FMN1: variants seen among roughly 807,000 people sequenced by gnomAD.
The protein encoded by FMN1 is formin 1.
Under a neutral mutation model 132.4 loss-of-function variants are expected in FMN1, and 110 were observed. The observed-to-expected ratio is 0.83, with a 90% CI of 0.71 to 0.97. The LOEUF (loss-of-function observed/expected upper bound fraction) is 0.97. Among genes scored for constraint, FMN1 ranks in the 50% least tolerant of loss-of-function variants. The pLI is 0.00. For synonymous variants in FMN1, 722 were observed against 651.7 expected (o/e 1.11, Z -1.64); for missense variants, 1,792 against 1,705.3 (o/e 1.05, Z -0.90).
intron 4 of FMN1, among the ~76,000 whole-genome samples, chr15:33,090,797 G>A (rs1171820983): frequency 1.3e-5 from 2 of 152,156 alleles, no homozygotes; most frequent in African/African-American, 2.4e-5. Flanking sequence ...AAGGCACTCT[G>A]CTTAGCACCT....
chr15:32,853,260 TG>T (rs1242087040), intron 17 of FMN1, among the ~76,000 whole-genome samples: 1 of 152,238 alleles, frequency 6.6e-6, no homozygotes, highest in East Asian at 1.9e-4. Context: ...CTAAAAGTGT[TG>T]GGCATTCTTC....
chr15:32,926,132 A>G lies in FMN1; in HGVS notation c.3226+42T>C, dbSNP rs76239949. On this transcript the variant is annotated intron_variant, in intron 10 of 20. Coordinates refer to ENST00000616417, the MANE Select transcript of FMN1 (RefSeq NM_001277313.2). ...ATTCTTCAGAATGAAATGTTTTTTA[A>G]AAAATGGAAAAAGTAAAACAAAAGT... is the stretch of plus-strand genomic sequence containing the variant. 3,233 of 1,105,468 alleles carry G rather than the reference A, an allele frequency of 2.9e-3. 57 individuals carry two copies. In the African/African-American group the frequency reaches 0.045, roughly 15 times the overall value. The allele number at this position is 1,105,468 out of a possible 1,614,324, so 68.5% of individuals were successfully genotyped here.
intron 6 of FMN1, among the ~76,000 whole-genome samples, chr15:33,013,863 T>G (rs79350624): frequency 0.012 from 1,871 of 152,356 alleles, 17 homozygotes; most frequent in Non-Finnish European, 0.019. Flanking sequence ...AGCATCTACA[T>G]TCTAAATAGA....
At chr15:32,818,549 C>T (rs1199700746) in intron 17 of FMN1, among the ~76,000 whole-genome samples, 1 of 152,024 alleles carries the variant, frequency 6.6e-6, no homozygotes, top group Non-Finnish European at 1.5e-5. Context: ...CCTATTTTTG[C>T]GCCTTAGAGA....
At chr15:32,891,148 T>C (rs960554803) in intron 15 of FMN1, among the ~76,000 whole-genome samples, 5 of 152,220 alleles carry the variant, frequency 3.3e-5, no homozygotes, top group Non-Finnish European at 7.3e-5. Flanking sequence ...ACTATGGCCT[T>C]ATAGTATAGT....
At chr15:32,929,785 A>C (rs1440453603) in intron 9 of FMN1, among the ~76,000 whole-genome samples, 1 of 149,714 alleles carries the variant, frequency 6.7e-6, no homozygotes, top group Non-Finnish European at 1.5e-5. Context: ...TTTTGTGGTC[A>C]AGTAATATTC....
intron 3 of FMN1, among the ~76,000 whole-genome samples, chr15:33,155,396 G>A (rs1346415041): frequency 8.5e-5 from 13 of 152,152 alleles, no homozygotes; most frequent in Admixed American, 8.5e-4. Flanking sequence ...ACTCCCAGAA[G>A]TCCTTATCTA....
chr15:32,920,860 A>G (rs572696485), intron 10 of FMN1, among the ~76,000 whole-genome samples: 11 of 152,206 alleles, frequency 7.2e-5, no homozygotes, highest in Non-Finnish European at 1.5e-4. Context: ...CTACATTTCT[A>G]TAGACATAGC....
intron 9 of FMN1, among the ~76,000 whole-genome samples, chr15:32,961,451 G>C (rs1414401590): frequency 1.3e-5 from 2 of 152,064 alleles, no homozygotes; most frequent in East Asian, 1.9e-4. Flanking sequence ...CTTTTTTATA[G>C]AGAAGGGAAA....
intron 4 of FMN1, among the ~76,000 whole-genome samples, chr15:33,120,237 C>T (rs1962422202): frequency 6.6e-6 from 1 of 152,158 alleles, no homozygotes; most frequent in African/African-American, 2.4e-5. Flanking sequence ...GAACATTAAA[C>T]ATAAGGCAAT....
intron 19 of FMN1, among the ~76,000 whole-genome samples, chr15:32,797,587 C>G (rs1273406530): frequency 6.6e-6 from 1 of 152,066 alleles, no homozygotes; most frequent in Non-Finnish European, 1.5e-5. Flanking sequence ...ATTTTCTCAA[C>G]AATGGTACTT....
intron 7 of FMN1, among the ~76,000 whole-genome samples, chr15:32,989,048 A>G (rs570922730): frequency 6.6e-6 from 1 of 152,326 alleles, no homozygotes; most frequent in East Asian, 1.9e-4. Context: ...ACCTTCTGGA[A>G]ACACAGTTTT....
At chr15:33,083,929 T>A (rs1039168979) in intron 5 of FMN1, among the ~76,000 whole-genome samples, 1 of 152,092 alleles carries the variant, frequency 6.6e-6, no homozygotes, top group Admixed American at 6.5e-5. Context: ...TTATAACGCA[T>A]CAGCATGCTA....
At chr15:32,985,582 G>A (rs950631370) in intron 7 of FMN1, among the ~76,000 whole-genome samples, 1 of 152,114 alleles carries the variant, frequency 6.6e-6, no homozygotes, top group African/African-American at 2.4e-5. Context: ...CCCATGAACA[G>A]CCTGTTACAT....
intron 3 of FMN1, 26 bp from the exon 4 acceptor site, chr15:33,155,071 C>T: frequency 4.9e-6 from 3 of 614,988 alleles, no homozygotes; most frequent in Admixed American, 5.9e-5. Context: ...GGGAAGAAAG[C>T]AGCTTGTCTA....
intron 17 of FMN1, among the ~76,000 whole-genome samples, chr15:32,846,710 T>G (rs1422889546): frequency 6.6e-6 from 1 of 152,234 alleles, no homozygotes; most frequent in Non-Finnish European, 1.5e-5. Flanking sequence ...CCATTACTGG[T>G]ATATACCCAA....
Position 32,839,842 on chromosome 15 carries a change from C to G in FMN1, c.3928+17173G>C, listed in dbSNP as rs187123362. ...AGCAACTTAGTCATGAAATGGGGAA[C>G]AACAATGTAAAAAATCCTTGTTAAT... is the stretch of plus-strand genomic sequence containing the variant. On this transcript the variant is annotated intron_variant, in intron 17 of 20. Transcript: ENST00000616417. 7.2e-3 allele frequency among the ~76,000 whole-genome samples: 1,088 copies of G among 151,028 alleles called. 10 individuals carry two copies. Among genetic ancestry groups the G allele is most frequent in the African/African-American group, 0.025 (1,025 of 41,158 alleles).
chr15:33,041,713 G>A (rs959782233), intron 6 of FMN1, among the ~76,000 whole-genome samples: 10 of 151,992 alleles, frequency 6.6e-5, no homozygotes, highest in Non-Finnish European at 7.4e-5. Flanking sequence ...GTAAATAAGT[G>A]TTGTCAAGGA....
chr15:32,784,570 G>A (rs969922444), intron 19 of FMN1, among the ~76,000 whole-genome samples: 1 of 152,172 alleles, frequency 6.6e-6, no homozygotes, highest in African/African-American at 2.4e-5. Flanking sequence ...TCTTCTGACA[G>A]CCATAACCAC....
Sources: gnomAD v4.1 joint callset for allele counts (sites outside exome capture counted in the v4.1 genomes callset) on GRCh38, gnomAD v4.1.1 for gene constraint, MANE v1.5 for transcripts, NCBI Gene and HGNC (gene_info 2026-07-23, HGNC 2026-07-21) for gene names.